Variants in ITGB1 observed in about 807,000 individuals in gnomAD.
The protein encoded by ITGB1 is integrin subunit beta 1.
Under a neutral mutation model 86.5 loss-of-function variants are expected in ITGB1, and 24 were observed. The observed-to-expected ratio is 0.28, with a 90% CI of 0.20 to 0.39. The LOEUF is 0.39. Ranked by LOEUF, ITGB1 falls within the 10% of genes least tolerant of loss-of-function variation. The probability of loss-of-function intolerance (pLI) is 1.00; values close to 1 mark genes in which losing one functional copy is unlikely to be tolerated. For missense variants in ITGB1, 556 were observed against 946.9 expected (o/e 0.59, Z 5.42); for synonymous variants, 323 against 316.8 (o/e 1.02, Z -0.21).
chr10:32,942,532 T>G (rs985323748), intron 1 of ITGB1, among the ~76,000 whole-genome samples: 1 of 152,196 alleles, frequency 6.6e-6, no homozygotes, highest in Non-Finnish European at 1.5e-5. Flanking sequence ...TTATAGCTAT[T>G]GCACCTAGAA....
At position 32,917,280 on chromosome 10, in the gene ITGB1, A is replaced by G. The variant is rs540213418; in HGVS notation, c.1469+2605T>C. The stretch of plus-strand genomic sequence containing the variant: ...GCAATACCATTCAGGACATAGGCAT[A>G]GGCAAGGACTTCATGACTAAAACAC... On this transcript the variant is annotated intron_variant, in intron 11 of 15. Coordinates refer to ENST00000302278, the MANE Select transcript of ITGB1 (RefSeq NM_002211.4). 1.4e-3 allele frequency among the ~76,000 whole-genome samples: 220 copies of G among 152,238 alleles called. 1 individual carries two copies. The highest frequency in any genetic ancestry group is 5.0e-3 in the African/African-American group (209 of 41,552).
At chr10:32,920,486 A>C in intron 9 of ITGB1, 101 bp from the exon 10 acceptor site, 5 of 1,074,000 alleles carry the variant, frequency 4.7e-6, no homozygotes, top group Non-Finnish European at 6.7e-6. Flanking sequence ...ATATTTCAAT[A>C]AAGTATCTAC....
Position 32,935,523 on chromosome 10 carries a change from G to C in ITGB1, c.36C>G (p.Ile12Met). Residue 12 changes from isoleucine to methionine, a missense_variant, in exon 2 of 16, where the codon ATC becomes ATG. Physicochemically the swap from Ile to Met is conservative, Grantham distance 10 (BLOSUM62 1). Around this residue, in one of 4 missense-constraint regions of ITGB1, gnomAD observed 183 missense variants for 263.9 expected, o/e 0.69. Coordinates refer to ENST00000302278, the MANE Select transcript of ITGB1 (RefSeq NM_002211.4). ...GAGCAAACACACAGCAAACTGAACT[G>C]ATCAGTCCAATCCAGAAAATTGGTT... The part of the protein sequence containing the change: ...NLQPIFWIGL[I>M]SSVCCVFAQT... 1.2e-6 allele frequency: 2 copies of C among 1,613,368 alleles called. No individual in the cohort carries two copies. Among genetic ancestry groups the C allele is most frequent in the Non-Finnish European group, 8.5e-7 (1 of 1,179,462 alleles).
At chr10:32,922,577 C>T (rs1012101351) in intron 8 of ITGB1, 63 bp downstream of exon 8, 4 of 1,046,968 alleles carry the variant, frequency 3.8e-6, no homozygotes, top group Admixed American at 2.2e-5. Flanking sequence ...TCAATTCAGA[C>T]ATGATTTGCC....
intron 10 of ITGB1, 51 bp downstream of exon 10, chr10:32,920,194 T>C: frequency 1.9e-6 from 3 of 1,584,088 alleles, no homozygotes; most frequent in South Asian, 2.3e-5. Flanking sequence ...TAAACTAAAT[T>C]TGCTTATAAA....
At chr10:32,907,995 T>G (rs2137161806) in intron 15 of ITGB1, among the ~76,000 whole-genome samples, 1 of 152,160 alleles carries the variant, frequency 6.6e-6, no homozygotes. Flanking sequence ...CACTGAAGGT[T>G]TTTTTTGTTT....
intron 1 of ITGB1, among the ~76,000 whole-genome samples, chr10:32,939,643 A>C (rs926834934): frequency 6.6e-6 from 1 of 152,200 alleles, no homozygotes; most frequent in African/African-American, 2.4e-5. Flanking sequence ...ATGGTACAAA[A>C]GATTTTAAAA....
chr10:32,902,953 T>G (rs917704234), intron 15 of ITGB1, among the ~76,000 whole-genome samples: 1 of 152,154 alleles, frequency 6.6e-6, no homozygotes, highest in African/African-American at 2.4e-5. Context: ...ATTGTGAAAT[T>G]GACTAGAAAA....
In ITGB1 at chr10:32,929,871, C is replaced by T. The variant is rs1324808580; in HGVS notation, c.327G>A (p.Glu109=). 1 of 1,613,738 alleles carries T rather than the reference C, an allele frequency of 6.2e-7. No homozygotes were observed. Among genetic ancestry groups the T allele is most frequent in the South Asian group, 1.1e-5 (1 of 91,074 alleles). The change falls in exon 4 of 16, where the codon GAG becomes GAA. Residue 109 remains glutamate, a synonymous_variant. Coordinates refer to ENST00000302278, the MANE Select transcript of ITGB1 (RefSeq NM_002211.4). ...SKGTAEKLKP[E]DITQIQPQQL... ...GCTGTGGTTGGATCTGAGTAATATC[C>T]TCTGGCTTGAGCTTCTCTGCTGTTC...
intron 7 of ITGB1, 142 bp from the exon 8 acceptor site, chr10:32,922,877 T>C (rs910074841): frequency 1.1e-5 from 6 of 550,990 alleles, no homozygotes; most frequent in East Asian, 3.1e-5. Context: ...ATATAATCCA[T>C]ATATAGCTAG....
intron 1 of ITGB1, among the ~76,000 whole-genome samples, chr10:32,947,774 A>G (rs72784083): frequency 2.8e-3 from 429 of 152,324 alleles, no homozygotes; most frequent in Non-Finnish European, 5.1e-3. Context: ...TGTGTAGTGC[A>G]GAGTTACACT....
At chr10:32,909,033 C>T (rs1228391657) in intron 14 of ITGB1, among the ~76,000 whole-genome samples, 1 of 152,128 alleles carries the variant, frequency 6.6e-6, no homozygotes, top group Non-Finnish European at 1.5e-5. Context: ...ATCAGTAAGC[C>T]ACTTCTAAAA....
intron 2 of ITGB1, 53 bp downstream of exon 2, chr10:32,935,439 G>A (rs531315628): frequency 2.7e-5 from 30 of 1,102,866 alleles, no homozygotes; most frequent in East Asian, 2.1e-4. Flanking sequence ...TGGTCAAAGC[G>A]CAATACAAGA....
At chr10:32,921,045 C>T (rs531942270) in intron 9 of ITGB1, among the ~76,000 whole-genome samples, 2 of 151,732 alleles carry the variant, frequency 1.3e-5, no homozygotes, top group Non-Finnish European at 2.9e-5. Flanking sequence ...ATGCTGTCTT[C>T]CCCATCGGCA....
At chr10:32,953,556 A>AAG in intron 1 of ITGB1, 1 of 152,156 alleles carries the variant, frequency 6.6e-6, no homozygotes, top group East Asian at 1.9e-4. Flanking sequence ...AAAAAAAAAA[A>AAG]AAGTTGCTCA....
intron 11 of ITGB1, among the ~76,000 whole-genome samples, chr10:32,914,782 C>A (rs571250335): frequency 1.1e-3 from 161 of 152,064 alleles, no homozygotes; most frequent in African/African-American, 3.8e-3. Flanking sequence ...CAAGGATATC[C>A]AGGAACTGAA....
chr10:32,925,228 A>G (rs2094961119), intron 6 of ITGB1, among the ~76,000 whole-genome samples: 1 of 152,226 alleles, frequency 6.6e-6, no homozygotes, highest in African/African-American at 2.4e-5. Context: ...CAAAATACAT[A>G]GCTGCTACAT....
At chr10:32,944,123 GA>G (rs1208820529) in intron 1 of ITGB1, among the ~76,000 whole-genome samples, 1 of 152,232 alleles carries the variant, frequency 6.6e-6, no homozygotes, top group Non-Finnish European at 1.5e-5. Context: ...AGTCAGCCAG[GA>G]GTGAGCCACC....
chr10:32,916,313 C>T (rs1445693153), intron 11 of ITGB1, among the ~76,000 whole-genome samples: 1 of 152,186 alleles, frequency 6.6e-6, no homozygotes, highest in Admixed American at 6.5e-5. Flanking sequence ...CTGGCCAGGG[C>T]AATCAGGCAG....
Sources: allele counts gnomAD v4.1 joint callset (sites outside exome capture counted in the v4.1 genomes callset), GRCh38; gene constraint gnomAD v4.1.1; regional missense constraint gnomAD v4.1.1; transcripts MANE v1.5; gene names NCBI Gene and HGNC (gene_info 2026-07-23, HGNC 2026-07-21).